The following TMEM71 variants were observed in gnomAD, a reference collection of about 807,000 sequenced individuals.
The protein encoded by TMEM71 is transmembrane protein 71.
Under a neutral mutation model 38.0 loss-of-function variants are expected in TMEM71, and 44 were observed. That is an observed-to-expected ratio of 1.16 (90% confidence interval 0.91 to 1.49). TMEM71 has a LOEUF of 1.49. Ranked by LOEUF, TMEM71 falls within the 40% of genes most tolerant of loss-of-function variation. The probability of loss-of-function intolerance (pLI) is 0.00; values close to 1 mark genes in which losing one functional copy is unlikely to be tolerated. For missense variants in TMEM71, 367 were observed against 348.6 expected, an observed-to-expected ratio of 1.05 and a Z score of -0.42; for synonymous variants, 133 against 122.5, an observed-to-expected ratio of 1.09 and a Z score of -0.56.
At chr8:132,718,398 C>CTTT (rs36014367) in intron 7 of TMEM71, among the ~76,000 whole-genome samples, 4,362 of 128,434 alleles carry the variant, frequency 0.034, 289 homozygotes, top group African/African-American at 0.091. Flanking sequence ...GGGATTTTCT[C>CTTT]TTTTTTTTTT....
intron 5 of TMEM71, among the ~76,000 whole-genome samples, chr8:132,744,170 C>T (rs958877478): frequency 6.6e-6 from 1 of 152,198 alleles, no homozygotes; most frequent in Non-Finnish European, 1.5e-5. Flanking sequence ...TTTCTATCCC[C>T]TGACCTACCA....
intron 5 of TMEM71, among the ~76,000 whole-genome samples, chr8:132,736,847 G>C (rs1258673756): frequency 1.3e-5 from 2 of 150,964 alleles, no homozygotes; most frequent in Admixed American, 6.6e-5. Context: ...AAAAAAAATT[G>C]CTGAGAGAGC....
chr8:132,742,149 T>C (rs1177671572), intron 5 of TMEM71, among the ~76,000 whole-genome samples: 1 of 152,248 alleles, frequency 6.6e-6, no homozygotes, highest in African/African-American at 2.4e-5. Flanking sequence ...TATTATAATA[T>C]TGGAATAAAG....
At chr8:132,774,628 G>C in the TMEM71 span, among the ~76,000 whole-genome samples, 1 of 152,200 alleles carries the variant, frequency 6.6e-6, no homozygotes, top group Non-Finnish European at 1.5e-5. Context: ...GAAAAAAGAT[G>C]TTTCATTTCA....
chr8:132,720,649 C>T (rs1330692464), intron 7 of TMEM71, among the ~76,000 whole-genome samples: 1 of 152,204 alleles, frequency 6.6e-6, no homozygotes, highest in Non-Finnish European at 1.5e-5. Context: ...TACCAATTCT[C>T]AGTAAATCTT....
At chr8:132,744,311 C>T (rs527864454) in intron 5 of TMEM71, among the ~76,000 whole-genome samples, 115 of 152,308 alleles carry the variant, frequency 7.6e-4, no homozygotes, top group Non-Finnish European at 1.4e-3. Flanking sequence ...CCCATTTCAT[C>T]TTTAAAATAT....
chr8:132,748,852 A>G (rs1828536086), intron 4 of TMEM71, among the ~76,000 whole-genome samples: 1 of 152,222 alleles, frequency 6.6e-6, no homozygotes, highest in African/African-American at 2.4e-5. Context: ...AAGTCAGACC[A>G]TCTGAGCTGG....
intron 7 of TMEM71, among the ~76,000 whole-genome samples, chr8:132,714,998 A>G (rs1826427552): frequency 6.6e-6 from 1 of 152,090 alleles, no homozygotes; most frequent in Non-Finnish European, 1.5e-5. Context: ...AATGCAAATT[A>G]AAACAGCGAG....
At chr8:132,756,392 A>G (rs1453368576) in intron 3 of TMEM71, among the ~76,000 whole-genome samples, 1 of 130,436 alleles carries the variant, frequency 7.7e-6, no homozygotes, top group African/African-American at 3.0e-5. Flanking sequence ...CTGCCCATAT[A>G]TTGACACTAA....
chr8:132,731,821 C>T (rs1827472171), intron 5 of TMEM71, among the ~76,000 whole-genome samples: 1 of 152,162 alleles, frequency 6.6e-6, no homozygotes, highest in South Asian at 2.1e-4. Flanking sequence ...CCCCAGTTAA[C>T]AAATAGAAAC....
At chr8:132,775,018 T>C in the TMEM71 span, among the ~76,000 whole-genome samples, 1 of 152,204 alleles carries the variant, frequency 6.6e-6, no homozygotes, top group African/African-American at 2.4e-5. Context: ...ATTCTTGATG[T>C]GGAGTGGGAT....
At chr8:132,774,823 C>G in the TMEM71 span, among the ~76,000 whole-genome samples, 2 of 152,176 alleles carry the variant, frequency 1.3e-5, no homozygotes, top group African/African-American at 2.4e-5. Flanking sequence ...TGCCTGAGCA[C>G]GCGCGTACAC....
At chr8:132,707,813 C>T (rs1483562097), downstream of TMEM71, among the ~76,000 whole-genome samples, 2 of 152,132 alleles carry the variant, frequency 1.3e-5, no homozygotes, top group Admixed American at 6.5e-5. Context: ...CTGTTTTTCT[C>T]GTATTTGAAC....
chr8:132,742,134 A>C (rs1290838969), intron 5 of TMEM71, among the ~76,000 whole-genome samples: 1 of 152,230 alleles, frequency 6.6e-6, no homozygotes, highest in Non-Finnish European at 1.5e-5. Context: ...CTATAGAGCA[A>C]GGATTATTAT....
At chr8:132,745,085 C>T (rs1828262601) in intron 5 of TMEM71, among the ~76,000 whole-genome samples, 1 of 152,096 alleles carries the variant, frequency 6.6e-6, no homozygotes, top group Admixed American at 6.6e-5. Flanking sequence ...AGAAGGAAAC[C>T]TAGGCAACAC....
intron 4 of TMEM71, among the ~76,000 whole-genome samples, chr8:132,749,791 G>A (rs773492096): frequency 1.1e-4 from 17 of 152,062 alleles, no homozygotes; most frequent in South Asian, 2.1e-4. Context: ...TGAGGCGGGC[G>A]GATCACAAGG....
intron 4 of TMEM71, among the ~76,000 whole-genome samples, chr8:132,750,048 G>T (rs947603411): frequency 4.0e-5 from 6 of 150,076 alleles, no homozygotes; most frequent in Non-Finnish European, 7.4e-5. Flanking sequence ...GAAAAGAAAA[G>T]AAAAAGAAAT....
intron 3 of TMEM71, among the ~76,000 whole-genome samples, chr8:132,752,595 G>A (rs1051068512): frequency 3.3e-5 from 5 of 152,048 alleles, no homozygotes; most frequent in African/African-American, 4.8e-5. Flanking sequence ...TGAGTTAGGC[G>A]TGGTGGCATG....
intron 5 of TMEM71, among the ~76,000 whole-genome samples, chr8:132,731,336 G>A (rs1273380167): frequency 1.3e-5 from 2 of 152,156 alleles, no homozygotes; most frequent in African/African-American, 4.8e-5. Flanking sequence ...GTCATCAAAC[G>A]ATGTTTCAAG....
Sources: gnomAD v4.1 joint callset for allele counts (sites outside exome capture counted in the v4.1 genomes callset) on GRCh38, gnomAD v4.1.1 for gene constraint, MANE v1.5 for transcripts, NCBI Gene and HGNC (gene_info 2026-07-23, HGNC 2026-07-21) for gene names.